LCT: variants seen among roughly 807,000 people sequenced by gnomAD.
The protein encoded by LCT is lactase.
Under a neutral mutation model 173.0 loss-of-function variants are expected in LCT, and 90 were observed. That is an observed-to-expected ratio of 0.52 (90% CI 0.44 to 0.62). The LOEUF is 0.62. LCT is among the 20% of genes least tolerant of loss of function. LCT has a pLI of 0.00. For missense variants in LCT, 1,864 were observed against 2,431.4 expected (o/e 0.77, Z 4.91); for synonymous variants, 853 against 957.6 (o/e 0.89, Z 2.02).
rs1361039484 is a variant in LCT at position 135,836,673 on chromosome 2, A to G, written c.497T>C (p.Val166Ala). ...TFAFHSFGDL[V>A]GIWFTFSDLE... The stretch of plus-strand genomic sequence containing the variant: ...GTCACTGAAGGTGAACCAGATCCCA[A>G]CTAGGTCCCCGAAGGAGTGGAAGGC... The change falls in exon 1 of 17, where the codon GTT (valine) becomes GCT (alanine). Residue 166 changes from valine to alanine, a missense_variant. By Grantham distance (64) the Val-to-Ala change is moderately conservative (BLOSUM62 0). Around this residue, in one of 4 missense-constraint regions of LCT, gnomAD observed 412 missense variants for 462.0 expected, o/e 0.89. Coordinates refer to ENST00000264162, the MANE Select transcript of LCT (RefSeq NM_002299.4). 3 of 1,614,174 alleles carry G rather than the reference A, an allele frequency of 1.9e-6. No homozygotes were observed. Among genetic ancestry groups the G allele is most frequent in the East Asian group, 4.5e-5 (2 of 44,878 alleles).
chr2:135,809,260 A>T lies in LCT; in HGVS notation c.3087T>A (p.Asp1029Glu). The stretch of plus-strand genomic sequence containing the variant: ...AGGCAGGATTCTCCCAGCCTCCGAT[A>T]TCCTGGAGGGCCTGGGGCAGGTCCC... ...FHWDLPQALQ[D>E]IGGWENPALI... Residue 1029 changes from aspartate (D) to glutamate (E), a missense_variant, in exon 8 of 17, where the codon GAT becomes GAA. Around this residue, in one of 4 missense-constraint regions of LCT, gnomAD observed 755 missense variants for 926.3 expected, o/e 0.82. Transcript: ENST00000264162. This position sits in a 1 kb window ranked among gnomAD's most constrained non-coding sequence, Gnocchi z 5.5. The T allele has an allele frequency of 6.2e-7, 1 of 1,614,212 alleles. No individual in the cohort carries two copies. The highest frequency in any genetic ancestry group is 1.1e-5 in the South Asian group (1 of 91,082).
intron 1 of LCT, among the ~76,000 whole-genome samples, chr2:135,834,226 C>G (rs1172680261): frequency 1.3e-5 from 2 of 151,972 alleles, no homozygotes; most frequent in Admixed American, 1.3e-4. Flanking sequence ...CGCTCTGTCG[C>G]CCAGGCTGGA....
At chr2:135,823,523 AG>A (rs1470287648) in intron 4 of LCT, among the ~76,000 whole-genome samples, 2 of 152,172 alleles carry the variant, frequency 1.3e-5, no homozygotes, top group African/African-American at 4.8e-5. Flanking sequence ...GTAAGTGGAG[AG>A]GGCTGGCTGG....
intron 5 of LCT, 70 bp downstream of exon 5, chr2:135,821,950 T>C: frequency 1.1e-6 from 1 of 932,028 alleles, no homozygotes; most frequent in South Asian, 1.3e-5. Context: ...TATAAGATTA[T>C]ACATGTAAAA....
intron 12 of LCT, 135 bp downstream of exon 12, chr2:135,800,471 TG>T: frequency 1.3e-6 from 1 of 773,264 alleles, no homozygotes. Flanking sequence ...GAAATCCTCC[TG>T]CCTCAGACTT....
At chr2:135,821,950 T>G in intron 5 of LCT, 70 bp downstream of exon 5, 1 of 932,028 alleles carries the variant, frequency 1.1e-6, no homozygotes, top group Non-Finnish European at 1.8e-6. Context: ...TATAAGATTA[T>G]ACATGTAAAA....
At chr2:135,793,011 C>G (rs1179340517) in intron 14 of LCT, among the ~76,000 whole-genome samples, 1 of 152,164 alleles carries the variant, frequency 6.6e-6, no homozygotes, top group Admixed American at 6.5e-5. Flanking sequence ...TGGAGACCAA[C>G]CAACTCACGC....
Position 135,807,110 on chromosome 2 carries a change from C to G in LCT, c.4173+18G>C. ...CAGGTGTGCAGTCACTGGTGTCCCA[C>G]CATCCTGAACTCCTCACCTGATATG... On this transcript the variant is annotated intron_variant, in intron 9 of 16. Transcript: ENST00000264162. 1 of 1,613,976 alleles carries G rather than the reference C, an allele frequency of 6.2e-7. No homozygotes were observed. Among genetic ancestry groups the G allele is most frequent in the Non-Finnish European group, 8.5e-7 (1 of 1,179,902 alleles).
Position 135,788,426 on chromosome 2 carries a change from T to G in LCT, c.5682A>C (p.Gly1894=). ...ATGACAGAAATGCCAAGCCACAGAC[T>G]CCAAGAAGCACAAGAGAAAAGAGAA... ...LYVLFSLVLL[G]VCGLAFLSYK... Residue 1894 remains glycine, a synonymous_variant, in exon 17 of 17, where the codon GGA becomes GGC. Coordinates refer to ENST00000264162, the MANE Select transcript of LCT (RefSeq NM_002299.4). 6.2e-7 allele frequency: 1 copy of G among 1,613,972 alleles called. No individual in the cohort carries two copies. Among genetic ancestry groups the G allele is most frequent in the East Asian group, 2.2e-5 (1 of 44,884 alleles).
intron 3 of LCT, among the ~76,000 whole-genome samples, chr2:135,827,671 G>T (rs747226143): frequency 6.6e-6 from 1 of 152,120 alleles, no homozygotes; most frequent in Non-Finnish European, 1.5e-5. Context: ...CCTCGCATGC[G>T]CAGTTCACAA....
chr2:135,810,019 T>G (rs777892913), intron 7 of LCT, 26 bp from the exon 8 acceptor site: 3 of 1,450,958 alleles, frequency 2.1e-6, no homozygotes, highest in Non-Finnish European at 2.9e-6. Flanking sequence ...AAAATTAGAT[T>G]TATTTATTTA....
intron 1 of LCT, among the ~76,000 whole-genome samples, chr2:135,834,145 CT>C (rs1475684076): frequency 6.6e-6 from 1 of 152,036 alleles, no homozygotes; most frequent in African/African-American, 2.4e-5. Context: ...TTGCTTCCAC[CT>C]TTTGGCTATT....
At chr2:135,798,205 C>T in intron 12 of LCT, 67 bp from the exon 13 acceptor site, 1 of 870,080 alleles carries the variant, frequency 1.1e-6, no homozygotes, top group Non-Finnish European at 2.0e-6. Context: ...AGCATCGTCC[C>T]CGCTCAGAAG....
At position 135,790,606 on chromosome 2, in the gene LCT, G is replaced by C; in HGVS notation, c.5335+52C>G. Reference sequence around the variant, plus strand: ...CTGTATCACACTCCTGCAAATAGCAGATGTTTCCAACAGGGGAAGGTGCAC... The same window carrying C: ...CTGTATCACACTCCTGCAAATAGCACATGTTTCCAACAGGGGAAGGTGCAC... On this transcript the variant is annotated intron_variant, in intron 15 of 16. Coordinates refer to ENST00000264162, the MANE Select transcript of LCT (RefSeq NM_002299.4). This position sits in a 1 kb window ranked among gnomAD's most constrained non-coding sequence, Gnocchi z 4.1. 1.7e-6 allele frequency: 2 copies of C among 1,166,512 alleles called. No homozygotes were observed. The highest frequency in any genetic ancestry group is 2.3e-5 in the East Asian group (1 of 42,766). 72.3% of individuals were successfully genotyped at this position (1,166,512 alleles called of 1,614,324 possible). A position where few individuals can be genotyped will look rare whatever the true frequency, so the allele number is the denominator to read the frequency against.
At chr2:135,830,540 T>C (rs2105555468) in intron 2 of LCT, among the ~76,000 whole-genome samples, 1 of 152,356 alleles carries the variant, frequency 6.6e-6, no homozygotes, top group Middle Eastern at 3.4e-3. Flanking sequence ...GCTCTGTGAA[T>C]GCCTAGTGTT....
chr2:135,803,867 C>T, intron 11 of LCT, 63 bp downstream of exon 11: 4 of 1,481,352 alleles, frequency 2.7e-6, no homozygotes, highest in Middle Eastern at 1.8e-4. Context: ...ATCTGGATTT[C>T]AACTCTTGAT....
At position 135,812,751 on chromosome 2, in the gene LCT, T is replaced by A; in HGVS notation, c.1913A>T (p.Asp638Val). ...CCTCAGGGTGGCTGGGTAGTCTCCATCCACAAAGACGGGGTGTGCAAACCA... is the reference window on the plus strand; with the variant it reads ...CCTCAGGGTGGCTGGGTAGTCTCCAACCACAAAGACGGGGTGTGCAAACCA... The part of the protein sequence containing the change: ...LGWFAHPVFV[D>V]GDYPATLRTQ... The change falls in exon 7 of 17, where the codon GAT becomes GTT. Residue 638 changes from aspartate to valine, a missense_variant. By Grantham distance (152) the Asp-to-Val change is radical (BLOSUM62 -3). This residue lies in a region of LCT where 755 missense variants were observed against 926.3 expected (regional missense o/e 0.82). Transcript: ENST00000264162. The A allele has an allele frequency of 6.2e-7, 1 of 1,614,130 alleles. No individual in the cohort carries two copies. Among genetic ancestry groups the A allele is most frequent in the Non-Finnish European group, 8.5e-7 (1 of 1,180,008 alleles).
Position 135,788,398 on chromosome 2 carries a change from T to A in LCT, c.5710A>T (p.Lys1904Ter), listed in dbSNP as rs2077508964. ...CCTTGCTTAGAGCGCTTGCAGTACT[T>A]GTATGACAGAAATGCCAAGCCACAG... ...GVCGLAFLSY[K>*]YCKRSKQGKT... The change falls in exon 17 of 17, where the codon AAG becomes TAG. Residue 1904 changes from lysine (K) to a stop codon, truncating the protein, a stop_gained. Coordinates refer to ENST00000264162, the MANE Select transcript of LCT (RefSeq NM_002299.4). LOFTEE classifies it high-confidence loss of function. 6.2e-7 allele frequency: 1 copy of A among 1,614,040 alleles called. No homozygotes were observed. Among genetic ancestry groups the A allele is most frequent in the Admixed American group, 1.7e-5 (1 of 60,014 alleles).
rs530274410 is a variant in LCT, at chr2:135,790,161, T to A, written c.5336-363A>T. Among the ~76,000 whole-genome samples the A allele has an allele frequency of 2.0e-5, 3 of 152,176 alleles. No individual in the cohort carries two copies. The highest frequency in any genetic ancestry group is 4.4e-5 in the Non-Finnish European group (3 of 68,038). On this transcript the variant is annotated intron_variant, in intron 15 of 16. Transcript: ENST00000264162. This position sits in a 1 kb window ranked among gnomAD's most constrained non-coding sequence, Gnocchi z 4.1. ...AAAATAGCCCTTAGATAGAATATAT[T>A]TCAGCTGGGTAGGATTTTTCTAATC...
Sources: allele counts gnomAD v4.1 joint callset (sites outside exome capture counted in the v4.1 genomes callset), GRCh38; gene constraint gnomAD v4.1.1; regional missense constraint gnomAD v4.1.1; non-coding constraint Gnocchi (gnomAD v3.1); transcripts MANE v1.5; gene names NCBI Gene and HGNC (gene_info 2026-07-23, HGNC 2026-07-21).